The following PDGFRA variants were observed in gnomAD, a reference collection of about 807,000 sequenced individuals.
PDGFRA encodes platelet-derived growth factor receptor alpha.
Under a neutral mutation model 121.5 loss-of-function variants are expected in PDGFRA, and 25 were observed. The observed-to-expected ratio is 0.21, with a 90% CI of 0.15 to 0.29. The LOEUF (loss-of-function observed/expected upper bound fraction) is 0.29. Ranked by LOEUF, PDGFRA falls within the 10% of genes least tolerant of loss-of-function variation. The pLI is 1.00. For synonymous variants in PDGFRA, 463 were observed against 494.8 expected, an observed-to-expected ratio of 0.94 and a Z score of 0.85; for missense variants, 1,008 against 1,345.1, an observed-to-expected ratio of 0.75 and a Z score of 3.92.
intron 7 of PDGFRA, 98 bp downstream of exon 7, chr4:54,267,839 T>C (rs1475241420): frequency 1.1e-6 from 1 of 918,100 alleles, no homozygotes. Context: ...AAAGTCAGTC[T>C]AGAAAATGTA....
intron 16 of PDGFRA, 61 bp from the exon 17 acceptor site, chr4:54,285,310 C>T: frequency 1.3e-6 from 1 of 794,966 alleles, no homozygotes; most frequent in East Asian, 2.4e-5. Context: ...GGGCATGCCT[C>T]TGCAACCTGA....
At position 54,264,949 on chromosome 4, in the gene PDGFRA, C is replaced by T. The variant is rs2110257666; in HGVS notation, c.659C>T (p.Ala220Val). 1.2e-6 allele frequency: 2 copies of T among 1,613,158 alleles called. No homozygotes were observed. Among genetic ancestry groups the T allele is most frequent in the Non-Finnish European group, 1.7e-6 (2 of 1,179,352 alleles). ...TCAGAGCTGGATCTAGAAATGGAAG[C>T]TCTTAAAACCGTGTATAAGTCAGGG... ...ATSELDLEME[A>V]LKTVYKSGET... Residue 220 changes from alanine to valine, a missense_variant, in exon 5 of 23, where the codon GCT becomes GTT. This residue lies in a region of PDGFRA where 575 missense variants were observed against 701.8 expected (regional missense o/e 0.82). Transcript: ENST00000257290.
At position 54,263,666 on chromosome 4, in the gene PDGFRA, G is replaced by A. The variant is rs1465072853; in HGVS notation, c.368-1G>A. 2 of 1,613,272 alleles carry A rather than the reference G, an allele frequency of 1.2e-6. No individual in the cohort carries two copies. Among genetic ancestry groups the A allele is most frequent in the Non-Finnish European group, 1.7e-6 (2 of 1,179,370 alleles). ...AGTCTTCATTCTTTTTTAAACCACA[G>A]ACCCAGATGTAGCCTTTGTACCTCT... On this transcript the variant is annotated splice_acceptor_variant, in intron 3 of 22. Transcript: ENST00000257290. LOFTEE classifies it high-confidence loss of function.
intron 5 of PDGFRA, among the ~76,000 whole-genome samples, chr4:54,266,554 ATAAAGCTCTTAAG>A (rs1006213439): frequency 1.3e-5 from 2 of 152,010 alleles, no homozygotes; most frequent in African/African-American, 4.8e-5. Context: ...CTTGACTGAG[ATAAAGCTCTTAAG>A]TATTTCTTAT....
intron 12 of PDGFRA, among the ~76,000 whole-genome samples, chr4:54,275,291 G>C (rs1723658134): frequency 6.6e-6 from 1 of 152,154 alleles, no homozygotes; most frequent in Non-Finnish European, 1.5e-5. Context: ...ATGAATTTCT[G>C]TGACTAAAAA....
At chr4:54,274,404 A>T in intron 10 of PDGFRA, 127 bp from the exon 11 acceptor site, 2 of 743,368 alleles carry the variant, frequency 2.7e-6, no homozygotes, top group Non-Finnish European at 2.4e-6. Flanking sequence ...AAAATGAACC[A>T]GGCAGCCCTC....
chr4:54,241,022 C>G (rs1408669323), intron 1 of PDGFRA, among the ~76,000 whole-genome samples: 2 of 152,052 alleles, frequency 1.3e-5, no homozygotes, highest in Non-Finnish European at 2.9e-5. Context: ...AAAGAGTGCT[C>G]ATAAAAAGAG....
intron 12 of PDGFRA, 105 bp downstream of exon 12, chr4:54,275,078 A>C: frequency 8.2e-7 from 1 of 1,223,980 alleles, no homozygotes; most frequent in Non-Finnish European, 1.2e-6. Context: ...GCTTAGTAAG[A>C]ACTAGGCAAT....
At position 54,297,093 on chromosome 4, in the gene PDGFRA, A is replaced by C. The variant is rs187821520; in HGVS notation, c.*1821A>C. 193 of 233,192 alleles carry C rather than the reference A, an allele frequency of 8.3e-4. 1 individual carries two copies. Among genetic ancestry groups the C allele is most frequent in the Middle Eastern group, 1.3e-3 (1 of 786 alleles). The allele number at this position is 233,192 out of a possible 1,614,324, so 14.4% of individuals were successfully genotyped here. ...TGTAACCAGCTCAGTGTTTTGGTGG[A>C]AAAAACATTTTAAGTTTTACTGATA... On this transcript the variant is annotated 3_prime_UTR_variant, in exon 23 of 23. Coordinates refer to ENST00000257290, the MANE Select transcript of PDGFRA (RefSeq NM_006206.6).
intron 12 of PDGFRA, among the ~76,000 whole-genome samples, 170 bp downstream of exon 12, chr4:54,275,143 T>C (rs1385951298): frequency 6.6e-6 from 1 of 152,208 alleles, no homozygotes; most frequent in Non-Finnish European, 1.5e-5. Context: ...AATTGGATCA[T>C]TGCAATGATT....
At chr4:54,264,859 T>A in intron 4 of PDGFRA, 60 bp from the exon 5 acceptor site, 1 of 1,462,520 alleles carries the variant, frequency 6.8e-7, no homozygotes, top group Non-Finnish European at 9.4e-7. Flanking sequence ...AAACCCAAAC[T>A]TTATAAGATC....
intron 1 of PDGFRA, among the ~76,000 whole-genome samples, chr4:54,236,720 T>C (rs1196729330): frequency 1.3e-5 from 2 of 151,890 alleles, no homozygotes; most frequent in Admixed American, 1.3e-4. Context: ...GGAGAATCGC[T>C]TGAACTTGGG....
At chr4:54,253,999 C>G (rs1166986125) in intron 1 of PDGFRA, among the ~76,000 whole-genome samples, 1 of 152,132 alleles carries the variant, frequency 6.6e-6, no homozygotes, top group Non-Finnish European at 1.5e-5. Flanking sequence ...CTCACTGATT[C>G]TTATAGTGCC....
At chr4:54,259,506 A>G (rs1722568652) in intron 2 of PDGFRA, among the ~76,000 whole-genome samples, 1 of 152,160 alleles carries the variant, frequency 6.6e-6, no homozygotes, top group African/African-American at 2.4e-5. Context: ...TTCCCACCAA[A>G]AGGATCATTG....
intron 1 of PDGFRA, among the ~76,000 whole-genome samples, chr4:54,234,708 G>A (rs1720915291): frequency 6.6e-6 from 1 of 152,082 alleles, no homozygotes; most frequent in Non-Finnish European, 1.5e-5. Context: ...GAGGGTAGTG[G>A]GGGGGCATTG....
At chr4:54,242,660 TTTG>T (rs1721373346) in intron 1 of PDGFRA, among the ~76,000 whole-genome samples, 2 of 152,208 alleles carry the variant, frequency 1.3e-5, no homozygotes, top group Middle Eastern at 3.4e-3. Context: ...GTTTTGTGTG[TTTG>T]TTGTTTGTTT....
At chr4:54,257,102 G>A (rs564489151) in intron 1 of PDGFRA, among the ~76,000 whole-genome samples, 12 of 152,194 alleles carry the variant, frequency 7.9e-5, no homozygotes, top group Admixed American at 5.2e-4. Flanking sequence ...AAACCAAGAC[G>A]GTGATGAAAG....
intron 1 of PDGFRA, among the ~76,000 whole-genome samples, chr4:54,233,871 CG>C (rs1208967666): frequency 3.9e-5 from 6 of 152,134 alleles, no homozygotes; most frequent in Non-Finnish European, 5.9e-5. Context: ...TATTGTGCAA[CG>C]GTAACAGTCG....
At chr4:54,237,627 TG>T (rs1003338518) in intron 1 of PDGFRA, among the ~76,000 whole-genome samples, 2 of 152,186 alleles carry the variant, frequency 1.3e-5, no homozygotes, top group African/African-American at 4.8e-5. Flanking sequence ...AGCCTGGCTC[TG>T]GGGCCCACTG....
Sources: allele counts gnomAD v4.1 joint callset (sites outside exome capture counted in the v4.1 genomes callset), GRCh38; gene constraint gnomAD v4.1.1; regional missense constraint gnomAD v4.1.1; transcripts MANE v1.5; gene names NCBI Gene and HGNC (gene_info 2026-07-23, HGNC 2026-07-21).